Variants in OSBPL3 observed in about 807,000 individuals in gnomAD.
The protein encoded by OSBPL3 is oxysterol binding protein like 3.
OSBPL3 carries 65 observed loss-of-function variants against 120.1 expected under a neutral mutation model. The observed-to-expected ratio is 0.54, with a 90% CI of 0.44 to 0.67. OSBPL3 has a LOEUF of 0.67. Ranked by LOEUF, OSBPL3 falls within the 30% of genes least tolerant of loss-of-function variation. OSBPL3 has a pLI of 0.00. For synonymous variants in OSBPL3, 416 were observed against 402.6 expected (o/e 1.03, Z -0.40); for missense variants, 1,004 against 1,082.1 (o/e 0.93, Z 1.01).
At chr7:24,847,117 A>G (rs1409888960) in intron 12 of OSBPL3, among the ~76,000 whole-genome samples, 2 of 151,814 alleles carry the variant, frequency 1.3e-5, no homozygotes, top group Non-Finnish European at 2.9e-5. Context: ...AAAGAAAGTG[A>G]GAGTTCTAAA....
chr7:24,832,850 C>T (rs1796564515), intron 15 of OSBPL3, among the ~76,000 whole-genome samples: 2 of 152,042 alleles, frequency 1.3e-5, no homozygotes, highest in South Asian at 4.2e-4. Flanking sequence ...ACGTGCAGGA[C>T]AGTAAACAAA....
intron 1 of OSBPL3, among the ~76,000 whole-genome samples, chr7:24,962,496 G>A (rs936826871): frequency 2.9e-5 from 4 of 138,518 alleles, no homozygotes; most frequent in South Asian, 2.3e-4. Context: ...CAGAGGAGAC[G>A]CTTGGCCCAT....
chr7:24,861,791 A>T (rs1178815500), intron 9 of OSBPL3, 22 bp from the exon 10 acceptor site: 2 of 1,524,434 alleles, frequency 1.3e-6, no homozygotes, highest in Non-Finnish European at 1.8e-6. Flanking sequence ...CCAAAGGGAG[A>T]TATTTCTTTT....
chr7:24,928,618 T>G lies in OSBPL3; in HGVS notation c.-149-35997A>C, dbSNP rs1189703022. Among the ~76,000 whole-genome samples, 10 of 152,204 alleles carry G rather than the reference T, an allele frequency of 6.6e-5. No individual in the cohort carries two copies. In the South Asian group the frequency reaches 2.1e-3, roughly 32 times the overall value. ...ATGTATATGCCTATGTAACCATCGCTTCAATCAACACCTCAAAGAACATTC... is the reference window on the plus strand; with the variant it reads ...ATGTATATGCCTATGTAACCATCGCGTCAATCAACACCTCAAAGAACATTC... On this transcript the variant is annotated intron_variant, in intron 1 of 22. Transcript: ENST00000313367.
intron 1 of OSBPL3, among the ~76,000 whole-genome samples, chr7:24,941,709 G>A (rs1180903147): frequency 6.6e-6 from 1 of 152,142 alleles, no homozygotes; most frequent in Non-Finnish European, 1.5e-5. Context: ...ACACCTAATA[G>A]AAGAGCTCTC....
intron 2 of OSBPL3, among the ~76,000 whole-genome samples, chr7:24,878,889 T>C (rs563420481): frequency 6.6e-6 from 1 of 152,320 alleles, no homozygotes; most frequent in East Asian, 1.9e-4. Flanking sequence ...GATGAGGCTA[T>C]CACTGCTGCT....
rs1190652256 is a variant in OSBPL3, at chr7:24,828,606, G to GA, written c.1884+2161dup. ...TGGGCGACAAAGTGAGACTCTGTCT[G>GA]AAAAAAAAAAAAAAAGAAAAAAAAA... On this transcript the variant is annotated intron_variant, in intron 16 of 22. Coordinates refer to ENST00000313367, the MANE Select transcript of OSBPL3 (RefSeq NM_015550.4). 5.9e-3 allele frequency among the ~76,000 whole-genome samples: 189 copies of GA among 32,188 alleles called. 4 individuals are homozygous for GA. Among genetic ancestry groups the GA allele is most frequent in the Middle Eastern group, 0.017 (1 of 58 alleles). 21.1% of individuals were successfully genotyped at this position (32,188 alleles called of 152,430 possible).
Position 24,916,925 on chromosome 7 carries a change from C to G in OSBPL3, c.-149-24304G>C, listed in dbSNP as rs1490346203. On this transcript the variant is annotated intron_variant, in intron 1 of 22. Transcript: ENST00000313367. The surrounding 1 kb of genome is among the most constrained non-coding windows in gnomAD (Gnocchi z 4.9). ...AAGACGTCTTCCATTTCCACCCCCC[C>G]CAACCTTTTTAGAAAATTAAATAAA... is the stretch of plus-strand genomic sequence containing the variant. Among the ~76,000 whole-genome samples the G allele has an allele frequency of 1.3e-5, 2 of 151,620 alleles. No homozygotes were observed. The highest frequency in any genetic ancestry group is 6.6e-5 in the Admixed American group (1 of 15,222).
chr7:24,866,003 C>G, intron 6 of OSBPL3, 67 bp downstream of exon 6: 1 of 1,342,136 alleles, frequency 7.5e-7, no homozygotes, highest in Non-Finnish European at 1.1e-6. Context: ...ACTCAGCTCC[C>G]AAGACAGGAC....
Position 24,871,599 on chromosome 7 carries a change from C to A in OSBPL3, c.267+143G>T, listed in dbSNP as rs1802119724. On this transcript the variant is annotated intron_variant, in intron 4 of 22. Coordinates refer to ENST00000313367, the MANE Select transcript of OSBPL3 (RefSeq NM_015550.4). The surrounding 1 kb of genome is among the most constrained non-coding windows in gnomAD (Gnocchi z 4.8). ...GGAAGAACTGAGCCTGCCTGGAACC[C>A]AGAGCTCAGACAGAAGTGTTTCCCC... 2 of 661,218 alleles carry A rather than the reference C, an allele frequency of 3.0e-6. No individual in the cohort carries two copies. Among genetic ancestry groups the A allele is most frequent in the African/African-American group, 1.8e-5 (1 of 54,688 alleles). 41.0% of individuals were successfully genotyped at this position (661,218 alleles called of 1,614,324 possible). A position where few individuals can be genotyped will look rare whatever the true frequency, so the allele number is the denominator to read the frequency against.
At chr7:24,878,533 A>T (rs1407995689) in intron 2 of OSBPL3, among the ~76,000 whole-genome samples, 3 of 152,182 alleles carry the variant, frequency 2.0e-5, no homozygotes, top group Admixed American at 6.5e-5. Context: ...TGTTCTATGA[A>T]CACTGACAAT....
Position 24,899,397 on chromosome 7 carries a change from T to C in OSBPL3, c.-149-6776A>G, listed in dbSNP as rs1806653326. 6.6e-6 allele frequency among the ~76,000 whole-genome samples: 1 copy of C among 152,224 alleles called. No individual in the cohort carries two copies. The highest frequency in any genetic ancestry group is 2.4e-5 in the African/African-American group (1 of 41,458). ...TCAGGTCATAGGGATTTCTGAGAAGTTGGGCTTCCTTCTTTCTGAAGCGGA... is the reference window on the plus strand; with the variant it reads ...TCAGGTCATAGGGATTTCTGAGAAGCTGGGCTTCCTTCTTTCTGAAGCGGA... On this transcript the variant is annotated intron_variant, in intron 1 of 22. Coordinates refer to ENST00000313367, the MANE Select transcript of OSBPL3 (RefSeq NM_015550.4). The surrounding 1 kb of genome is among the most constrained non-coding windows in gnomAD (Gnocchi z 4.0).
Position 24,861,689 on chromosome 7 carries a change from TTTCTC to T in OSBPL3, c.946_950del (p.Glu316LysfsTer4). Reference sequence around the variant, plus strand: ...AGGTTTCAGAGCCATCAGAATAATTTTTCTCTTCTCCAAAATCTAGTGTTGACAAA... The same window carrying T: ...AGGTTTCAGAGCCATCAGAATAATTTTTCTCCAAAATCTAGTGTTGACAAA... On this transcript the variant is annotated frameshift_variant, in exon 10 of 23. Transcript: ENST00000313367. LOFTEE classifies it high-confidence loss of function. 6.2e-7 allele frequency: 1 copy of T among 1,611,958 alleles called. No homozygotes were observed. The highest frequency in any genetic ancestry group is 8.5e-7 in the Non-Finnish European group (1 of 1,178,382).
rs920039729 is a variant in OSBPL3 at position 24,938,154 on chromosome 7, T to C, written c.-150+41732A>G. On this transcript the variant is annotated intron_variant, in intron 1 of 22. Transcript: ENST00000313367. The surrounding 1 kb of genome is among the most constrained non-coding windows in gnomAD (Gnocchi z 5.8). ...AACCTAATCACCAACCTGATGGTATTAGGAGTTGGAGCCTTTGGGCGGTGA... is the reference window on the plus strand; with the variant it reads ...AACCTAATCACCAACCTGATGGTATCAGGAGTTGGAGCCTTTGGGCGGTGA... 2.0e-5 allele frequency among the ~76,000 whole-genome samples: 3 copies of C among 152,202 alleles called. No individual in the cohort carries two copies. The highest frequency in any genetic ancestry group is 7.2e-5 in the African/African-American group (3 of 41,454).
intron 12 of OSBPL3, among the ~76,000 whole-genome samples, chr7:24,847,438 G>A (rs978274414): frequency 6.6e-6 from 1 of 152,304 alleles, no homozygotes; most frequent in South Asian, 2.1e-4. Context: ...TGGAAGGTGT[G>A]CATTTGAAGG....
chr7:24,830,714 T>C lies in OSBPL3; in HGVS notation c.1884+54A>G. On this transcript the variant is annotated intron_variant, in intron 16 of 22. Transcript: ENST00000313367. This position sits in a 1 kb window ranked among gnomAD's most constrained non-coding sequence, Gnocchi z 4.4. Reference sequence around the variant, plus strand: ...AAGATAAATATTTCAGAAGCACATTTAATGGGAGACATAAGCAACCCCTCC... The same window carrying C: ...AAGATAAATATTTCAGAAGCACATTCAATGGGAGACATAAGCAACCCCTCC... 6.5e-7 allele frequency: 1 copy of C among 1,529,474 alleles called. No individual in the cohort carries two copies. Among genetic ancestry groups the C allele is most frequent in the Non-Finnish European group, 8.8e-7 (1 of 1,131,092 alleles). The allele number at this position is 1,529,474 out of a possible 1,614,324, so 94.7% of individuals were successfully genotyped here. A position where few individuals can be genotyped will look rare whatever the true frequency, so the allele number is the denominator to read the frequency against.
chr7:24,961,672 T>G (rs1471156496), intron 1 of OSBPL3, among the ~76,000 whole-genome samples: 1 of 152,186 alleles, frequency 6.6e-6, no homozygotes, highest in Non-Finnish European at 1.5e-5. Flanking sequence ...CCTCCAGAAC[T>G]GAATGATACA....
intron 1 of OSBPL3, among the ~76,000 whole-genome samples, chr7:24,903,808 G>C (rs1298945589): frequency 2.6e-5 from 4 of 151,912 alleles, no homozygotes; most frequent in African/African-American, 9.7e-5. Flanking sequence ...ACATCACTCA[G>C]GACAGTGGGT....
chr7:24,908,089 C>T (rs181961827), intron 1 of OSBPL3, among the ~76,000 whole-genome samples: 1 of 152,288 alleles, frequency 6.6e-6, no homozygotes, highest in East Asian at 1.9e-4. Context: ...CCACAAGAGA[C>T]ATCATTTCTC....
Sources: allele counts gnomAD v4.1 joint callset (sites outside exome capture counted in the v4.1 genomes callset), GRCh38; gene constraint gnomAD v4.1.1; non-coding constraint Gnocchi (gnomAD v3.1); transcripts MANE v1.5; gene names NCBI Gene and HGNC (gene_info 2026-07-23, HGNC 2026-07-21).